The following GALNT17 variants were observed in gnomAD, a reference collection of about 807,000 sequenced individuals.
The protein encoded by GALNT17 is polypeptide N-acetylgalactosaminyltransferase 17, also known as UDP-GalNAc:polypeptide N-acetylgalactosaminyltransferase-like 3.
A neutral mutation model predicts 63.7 loss-of-function variants in GALNT17; 29 were observed. The observed-to-expected ratio is 0.46, with a 90% CI of 0.34 to 0.62. GALNT17 has a LOEUF of 0.62. Among genes scored for constraint, GALNT17 ranks in the 20% least tolerant of loss-of-function variants. GALNT17 has a pLI of 0.01. For missense variants in GALNT17, 603 were observed against 799.6 expected (o/e 0.75, Z 2.97); for synonymous variants, 305 against 318.3 (o/e 0.96, Z 0.45).
chr7:71,284,752 G>A (rs976401820), intron 1 of GALNT17: 3 of 152,098 alleles, frequency 2.0e-5, no homozygotes, highest in African/African-American at 7.2e-5. Flanking sequence ...CTAGAGGCAG[G>A]GTTCTATAAG....
At chr7:71,158,608 G>A (rs966870998) in intron 1 of GALNT17, among the ~76,000 whole-genome samples, 7 of 148,348 alleles carry the variant, frequency 4.7e-5, no homozygotes, top group South Asian at 2.2e-4. Flanking sequence ...ATGGAATCTC[G>A]CTCTGTTGCC....
intron 3 of GALNT17, among the ~76,000 whole-genome samples, chr7:71,415,103 A>G (rs555667725): frequency 6.6e-6 from 1 of 152,200 alleles, no homozygotes; most frequent in African/African-American, 2.4e-5. Context: ...TCCTGAGTTC[A>G]AGTGATTCTT....
chr7:71,571,291 A>G lies in GALNT17; in HGVS notation c.969A>G (p.Pro323=), dbSNP rs1789438429. ...TTCTTTCTCCCTCCCTCAGGACCCC[A>G]GCCATGATAGGCTGCTCGTTCGTGG... ...AGDPSLPIRT[P]AMIGCSFVVN... is the part of the protein sequence containing the mutation. Residue 323 remains proline (P), a synonymous_variant, in exon 6 of 11, where the codon CCA becomes CCG. Transcript: ENST00000333538. The G allele has an allele frequency of 6.2e-7, 1 of 1,613,982 alleles. No individual in the cohort carries two copies. The highest frequency in any genetic ancestry group is 8.5e-7 in the Non-Finnish European group (1 of 1,179,888).
intron 9 of GALNT17, among the ~76,000 whole-genome samples, chr7:71,697,659 C>T (rs562545907): frequency 3.3e-5 from 5 of 152,274 alleles, no homozygotes; most frequent in Non-Finnish European, 5.9e-5. Flanking sequence ...TGATAGATTT[C>T]ACAGATAGTG....
intron 1 of GALNT17, among the ~76,000 whole-genome samples, chr7:71,274,788 C>T (rs183433975): frequency 2.1e-4 from 32 of 152,300 alleles, no homozygotes; most frequent in Admixed American, 1.6e-3. Flanking sequence ...CCAGGTACCC[C>T]GCAGAGGCTG....
chr7:71,386,038 T>C (rs867897208), intron 2 of GALNT17, among the ~76,000 whole-genome samples: 1 of 152,100 alleles, frequency 6.6e-6, no homozygotes, highest in Non-Finnish European at 1.5e-5. Flanking sequence ...GTGCTCTTGT[T>C]TTGTGGACCA....
intron 6 of GALNT17, among the ~76,000 whole-genome samples, chr7:71,632,880 A>T (rs756820424): frequency 6.7e-4 from 102 of 152,138 alleles, no homozygotes; most frequent in Admixed American, 2.2e-3. Context: ...GAGGTGGGTG[A>T]ATCACTTGAG....
At chr7:71,338,326 CA>C (rs962319194) in intron 2 of GALNT17, among the ~76,000 whole-genome samples, 60 of 139,774 alleles carry the variant, frequency 4.3e-4, no homozygotes, top group African/African-American at 1.1e-3. Context: ...GACTCCGTCT[CA>C]AAAAAAAAAT....
intron 5 of GALNT17, among the ~76,000 whole-genome samples, chr7:71,540,115 TTTTTTTTTTTTTTG>T (rs1788865300): frequency 6.1e-5 from 7 of 115,042 alleles, no homozygotes; most frequent in Admixed American, 9.4e-5. Flanking sequence ...TTTTTTTTTT[TTTTTTTTTTTTTTG>T]ATGGAGTCTC....
intron 6 of GALNT17, among the ~76,000 whole-genome samples, chr7:71,628,522 C>T (rs945954103): frequency 5.3e-5 from 8 of 152,006 alleles, no homozygotes; most frequent in Admixed American, 1.3e-4. Flanking sequence ...GGGGTTTCAC[C>T]GTGTTGGCTA....
At chr7:71,472,033 A>C (rs1787640815) in intron 5 of GALNT17, among the ~76,000 whole-genome samples, 1 of 152,042 alleles carries the variant, frequency 6.6e-6, no homozygotes, top group Non-Finnish European at 1.5e-5. Context: ...TATTTCCCAC[A>C]GTTCTGGAGG....
intron 1 of GALNT17, among the ~76,000 whole-genome samples, chr7:71,290,777 A>G (rs558247803): frequency 1.2e-4 from 18 of 152,186 alleles, no homozygotes; most frequent in Non-Finnish European, 2.5e-4. Context: ...GCTGTGGGTT[A>G]CTGTTCTACA....
intron 9 of GALNT17, among the ~76,000 whole-genome samples, chr7:71,698,791 A>G (rs922684744): frequency 6.6e-6 from 1 of 152,194 alleles, no homozygotes; most frequent in Middle Eastern, 3.2e-3. Flanking sequence ...ATATGAATGG[A>G]TTTAACTCTT....
chr7:71,696,951 G>A (rs1401374298), intron 9 of GALNT17, among the ~76,000 whole-genome samples: 3 of 152,128 alleles, frequency 2.0e-5, no homozygotes, highest in African/African-American at 7.2e-5. Context: ...TAAAATACGA[G>A]ATTATGTAAG....
intron 1 of GALNT17, among the ~76,000 whole-genome samples, chr7:71,295,719 C>T (rs1791066809): frequency 6.6e-6 from 1 of 152,050 alleles, no homozygotes; most frequent in East Asian, 1.9e-4. Flanking sequence ...CTGCCTCAGC[C>T]TCCCGAGTAG....
chr7:71,458,748 C>T (rs1269307708), intron 5 of GALNT17, among the ~76,000 whole-genome samples: 2 of 152,158 alleles, frequency 1.3e-5, no homozygotes, highest in Non-Finnish European at 2.9e-5. Flanking sequence ...AGCGGCTCAC[C>T]TCCTCTCCAA....
At chr7:71,628,716 A>C (rs761586432) in intron 6 of GALNT17, among the ~76,000 whole-genome samples, 7 of 149,636 alleles carry the variant, frequency 4.7e-5, no homozygotes, top group Non-Finnish European at 7.4e-5. Context: ...GAATCACTTG[A>C]GGTCAGGAGT....
In GALNT17 at chr7:71,403,444, A is replaced by C. The variant is rs1002644158; in HGVS notation, c.590-12445A>C. Among the ~76,000 whole-genome samples the C allele has an allele frequency of 2.0e-5, 3 of 152,224 alleles. No individual in the cohort carries two copies. In the South Asian group the frequency reaches 6.2e-4, roughly 31 times the overall value. ...CTGGAATGTGCTACAGTGCCATTCC[A>C]GTCCACATCTGCTCTGATGTTATAT... On this transcript the variant is annotated intron_variant, in intron 3 of 10. Coordinates refer to ENST00000333538, the MANE Select transcript of GALNT17 (RefSeq NM_022479.3).
intron 5 of GALNT17, among the ~76,000 whole-genome samples, chr7:71,499,097 C>T (rs1788138831): frequency 7.3e-6 from 1 of 136,836 alleles, no homozygotes; most frequent in South Asian, 2.5e-4. Flanking sequence ...CACAGGACAG[C>T]GAAGCATTTT....
Sources: gnomAD v4.1 joint callset for allele counts (sites outside exome capture counted in the v4.1 genomes callset) on GRCh38, gnomAD v4.1.1 for gene constraint, MANE v1.5 for transcripts, NCBI Gene and HGNC (gene_info 2026-07-23, HGNC 2026-07-21) for gene names.